ROBO1: variants seen among roughly 807,000 people sequenced by gnomAD.
ROBO1 encodes roundabout guidance receptor 1.
In ROBO1, 149 loss-of-function variants were observed where a neutral mutation model predicts 195.9. The observed-to-expected ratio is 0.76, with a 90% confidence interval of 0.67 to 0.87. The LOEUF is 0.87. Among genes scored for constraint, ROBO1 ranks in the 40% least tolerant of loss-of-function variants. The probability of loss-of-function intolerance (pLI) is 0.00; values close to 1 mark genes in which losing one functional copy is unlikely to be tolerated. For synonymous variants in ROBO1, 816 were observed against 733.2 expected (o/e 1.11, Z -1.82); for missense variants, 1,933 against 2,068.3 (o/e 0.93, Z 1.27).
intron 2 of ROBO1, among the ~76,000 whole-genome samples, chr3:79,410,349 A>G (rs1409373797): frequency 6.6e-6 from 1 of 152,198 alleles, no homozygotes; most frequent in Non-Finnish European, 1.5e-5. Context: ...TCAATATTGG[A>G]CTTTGGAAGG....
chr3:78,961,010 T>C (rs1488555775), intron 3 of ROBO1, among the ~76,000 whole-genome samples: 1 of 152,158 alleles, frequency 6.6e-6, no homozygotes, highest in Non-Finnish European at 1.5e-5. Flanking sequence ...GAATCTTATT[T>C]ATGCCACTTT....
chr3:78,853,454 A>ATG (rs1211328594), intron 4 of ROBO1, among the ~76,000 whole-genome samples: 1 of 76,346 alleles, frequency 1.3e-5, no homozygotes, highest in Non-Finnish European at 2.8e-5. Flanking sequence ...TATAGTATGT[A>ATG]TGTGTGGGGT....
At chr3:79,089,948 T>TTC (rs1240751346) in intron 3 of ROBO1, among the ~76,000 whole-genome samples, 36 of 151,840 alleles carry the variant, frequency 2.4e-4, no homozygotes, top group Admixed American at 3.3e-4. Flanking sequence ...TCTTTTTTTT[T>TTC]TTTTTTTTTA....
At chr3:79,001,469 G>A (rs1033683060) in intron 3 of ROBO1, among the ~76,000 whole-genome samples, 4 of 151,982 alleles carry the variant, frequency 2.6e-5, no homozygotes, top group South Asian at 2.1e-4. Context: ...AAACCGTATC[G>A]TGAACTTTGT....
chr3:79,066,894 G>A (rs1161174282), intron 3 of ROBO1, among the ~76,000 whole-genome samples: 1 of 151,902 alleles, frequency 6.6e-6, no homozygotes, highest in African/African-American at 2.4e-5. Context: ...CTCCAAAGTT[G>A]GATGAATGAA....
intron 4 of ROBO1, among the ~76,000 whole-genome samples, chr3:78,893,184 T>C (rs892605492): frequency 4.6e-5 from 7 of 152,212 alleles, no homozygotes; most frequent in African/African-American, 1.7e-4. Flanking sequence ...TTCTCCAAAA[T>C]ACAGGTGCTG....
chr3:78,850,471 TA>T, intron 4 of ROBO1, among the ~76,000 whole-genome samples: 1 of 152,242 alleles, frequency 6.6e-6, no homozygotes, highest in East Asian at 1.9e-4. Context: ...AAGAAAAACA[TA>T]ACAAAATAAT....
At chr3:78,652,432 C>G (rs1231017636) in intron 18 of ROBO1, among the ~76,000 whole-genome samples, 3 of 152,022 alleles carry the variant, frequency 2.0e-5, no homozygotes, top group Non-Finnish European at 4.4e-5. Flanking sequence ...TATTTCTTCT[C>G]TAAGCTAGAT....
chr3:79,601,246 T>A (rs975747997), intron 1 of ROBO1, among the ~76,000 whole-genome samples: 4 of 151,996 alleles, frequency 2.6e-5, no homozygotes, highest in African/African-American at 9.7e-5. Flanking sequence ...AGAATCTTTA[T>A]GTCTGAAAAA....
chr3:79,757,210 T>C (rs753359012), intron 1 of ROBO1, among the ~76,000 whole-genome samples: 3 of 152,356 alleles, frequency 2.0e-5, no homozygotes, highest in South Asian at 2.1e-4. Context: ...TTAATAATTA[T>C]GTTTAATTTT....
chr3:79,650,727 G>A (rs1385377404), intron 1 of ROBO1, among the ~76,000 whole-genome samples: 1 of 151,698 alleles, frequency 6.6e-6, no homozygotes, highest in Non-Finnish European at 1.5e-5. Flanking sequence ...AGACCCCAAA[G>A]CAATGATATT....
intron 4 of ROBO1, among the ~76,000 whole-genome samples, chr3:78,756,637 TTG>T (rs577446621): frequency 6.6e-6 from 1 of 152,108 alleles, no homozygotes; most frequent in Admixed American, 6.6e-5. Context: ...TCTCTCTCCT[TTG>T]TGTGTGCGTG....
chr3:79,467,578 C>G (rs192214105), intron 2 of ROBO1, among the ~76,000 whole-genome samples: 1 of 151,954 alleles, frequency 6.6e-6, no homozygotes, highest in Admixed American at 6.6e-5. Flanking sequence ...GTGGGACAGC[C>G]GAACTCCAGA....
At chr3:79,061,639 G>C (rs144937316) in intron 3 of ROBO1, among the ~76,000 whole-genome samples, 167 of 152,212 alleles carry the variant, frequency 1.1e-3, no homozygotes, top group Middle Eastern at 6.8e-3. Flanking sequence ...CATGGTACTG[G>C]TACCAAAACA....
At chr3:79,636,485 G>A (rs1284108827) in intron 1 of ROBO1, among the ~76,000 whole-genome samples, 1 of 152,022 alleles carries the variant, frequency 6.6e-6, no homozygotes, top group African/African-American at 2.4e-5. Context: ...TCCTTAGATT[G>A]CAATCCCTAG....
chr3:79,055,738 C>G (rs539346698), intron 3 of ROBO1, among the ~76,000 whole-genome samples: 1 of 152,044 alleles, frequency 6.6e-6, no homozygotes, highest in Non-Finnish European at 1.5e-5. Context: ...GATTACTAAA[C>G]CCCTCCAAAT....
At chr3:79,533,134 A>T (rs1039923064) in intron 2 of ROBO1, 9 of 430,820 alleles carry the variant, frequency 2.1e-5, no homozygotes, top group African/African-American at 1.9e-4. Flanking sequence ...GGGAGAGGGC[A>T]CTTTTATAAT....
chr3:79,438,962 C>A (rs1407861160), intron 2 of ROBO1, among the ~76,000 whole-genome samples: 2 of 151,966 alleles, frequency 1.3e-5, no homozygotes, highest in African/African-American at 4.8e-5. Flanking sequence ...AGCATCAGTT[C>A]ATTTGCTCAT....
chr3:78,660,536 A>C (rs1482971797), intron 16 of ROBO1: 1 of 152,808 alleles, frequency 6.5e-6, no homozygotes, highest in Non-Finnish European at 1.5e-5. Flanking sequence ...CCTTTATGTA[A>C]ATATTGTTTA....
Sources: allele counts gnomAD v4.1 joint callset (sites outside exome capture counted in the v4.1 genomes callset), GRCh38; gene constraint gnomAD v4.1.1; transcripts MANE v1.5; gene names NCBI Gene and HGNC (gene_info 2026-07-23, HGNC 2026-07-21).